RXRA: variants seen among roughly 807,000 people sequenced by gnomAD.
RXRA encodes retinoic acid receptor RXR-alpha.
Under a neutral mutation model 44.5 loss-of-function variants are expected in RXRA, and 5 were observed. That is an observed-to-expected ratio of 0.11 (90% CI 0.06 to 0.24). The LOEUF (loss-of-function observed/expected upper bound fraction) is 0.24, where lower values mean the gene tolerates loss of function less well. Ranked by LOEUF, RXRA falls within the 10% of genes least tolerant of loss-of-function variation. RXRA has a pLI of 1.00. For synonymous variants in RXRA, 291 were observed against 271.4 expected, an observed-to-expected ratio of 1.07 and a Z score of -0.71; for missense variants, 412 against 646.5, an observed-to-expected ratio of 0.64 and a Z score of 3.93.
In RXRA at chr9:134,436,771, C is replaced by A; in HGVS notation, c.*157C>A. 1 of 771,248 alleles carries A rather than the reference C, an allele frequency of 1.3e-6. No homozygotes were observed. The highest frequency in any genetic ancestry group is 2.0e-6 in the Non-Finnish European group (1 of 488,530). The allele number at this position is 771,248 out of a possible 1,614,324, so 47.8% of individuals were successfully genotyped here. On this transcript the variant is annotated 3_prime_UTR_variant, in exon 10 of 10. Coordinates refer to ENST00000481739, the MANE Select transcript of RXRA (RefSeq NM_002957.6). ...CTGCTCTGCCTAAGAGATGTGTTGT[C>A]ACCCTCCTTATTTCTGTTACTACTT... is the stretch of plus-strand genomic sequence containing the variant.
Position 134,366,594 on chromosome 9 carries a change from G to A in RXRA, c.29-35038G>A, listed in dbSNP as rs1240476826. On this transcript the variant is annotated intron_variant, in intron 1 of 9. Coordinates refer to ENST00000481739, the MANE Select transcript of RXRA (RefSeq NM_002957.6). This position sits in a 1 kb window ranked among gnomAD's most constrained non-coding sequence, Gnocchi z 5.9. Reference sequence around the variant, plus strand: ...AGCACCACAGGGCCCAGCCAGGGCTGGGGCAGGGAGGAAGGGCCCCTCCAC... The same window carrying A: ...AGCACCACAGGGCCCAGCCAGGGCTAGGGCAGGGAGGAAGGGCCCCTCCAC... Among the ~76,000 whole-genome samples the A allele has an allele frequency of 6.6e-6, 1 of 152,166 alleles. No individual in the cohort carries two copies. The highest frequency in any genetic ancestry group is 6.5e-5 in the Admixed American group (1 of 15,282).
In RXRA at chr9:134,366,371, G is replaced by A. The variant is rs1564271627; in HGVS notation, c.29-35261G>A. Among the ~76,000 whole-genome samples the A allele has an allele frequency of 6.6e-6, 1 of 152,108 alleles. No individual in the cohort carries two copies. The highest frequency in any genetic ancestry group is 2.1e-4 in the South Asian group (1 of 4,822). On this transcript the variant is annotated intron_variant, in intron 1 of 9. Coordinates refer to ENST00000481739, the MANE Select transcript of RXRA (RefSeq NM_002957.6). This position sits in a 1 kb window ranked among gnomAD's most constrained non-coding sequence, Gnocchi z 5.9. ...CTTGGCACAGGCTCCAGAATTGCAC[G>A]TGATCTCAGACGGTTCCCAGCTTCC... is the stretch of plus-strand genomic sequence containing the variant.
At chr9:134,427,187 G>A in intron 6 of RXRA, 2 of 967,656 alleles carry the variant, frequency 2.1e-6, no homozygotes, top group South Asian at 4.8e-5. Flanking sequence ...AAAAAAAAGA[G>A]GGTTCTGTGG....
chr9:134,369,794 T>C (rs1452389891), intron 1 of RXRA, among the ~76,000 whole-genome samples: 1 of 152,088 alleles, frequency 6.6e-6, no homozygotes, highest in Non-Finnish European at 1.5e-5. Context: ...GGCAGAGGTG[T>C]GGGAGGAGAG....
chr9:134,378,866 G>C (rs73554143), intron 1 of RXRA, among the ~76,000 whole-genome samples: 3,237 of 152,332 alleles, frequency 0.021, 61 homozygotes, highest in African/African-American at 0.048. Context: ...CTGGAGGGCA[G>C]GAGCCAGACC....
intron 6 of RXRA, chr9:134,425,493 C>T (rs1261205306): frequency 5.1e-5 from 50 of 972,306 alleles, no homozygotes; most frequent in East Asian, 3.6e-4. Flanking sequence ...GCTGCTCCAG[C>T]GGGGTCGTCT....
chr9:134,369,770 G>A (rs1830468130), intron 1 of RXRA, among the ~76,000 whole-genome samples: 1 of 152,090 alleles, frequency 6.6e-6, no homozygotes, highest in South Asian at 2.1e-4. Context: ...CCCTCCCACA[G>A]CCTCACATTT....
At chr9:134,333,071 G>C (rs574227899) in intron 1 of RXRA, among the ~76,000 whole-genome samples, 2 of 152,148 alleles carry the variant, frequency 1.3e-5, no homozygotes, top group Admixed American at 6.5e-5. Context: ...GGCCGTCCAG[G>C]GGGAGTAGAG....
chr9:134,418,857 C>T (rs546790283), intron 5 of RXRA, among the ~76,000 whole-genome samples: 2 of 152,334 alleles, frequency 1.3e-5, no homozygotes, highest in African/African-American at 4.8e-5. Flanking sequence ...CCACCCTGCT[C>T]GTTGGCACTC....
intron 1 of RXRA, among the ~76,000 whole-genome samples, chr9:134,375,930 G>GCCGC (rs1322288068): frequency 6.8e-6 from 1 of 147,928 alleles, no homozygotes; most frequent in African/African-American, 2.6e-5. Flanking sequence ...CAAGCTGCCG[G>GCCGC]CCGCCCTCCC....
intron 1 of RXRA, among the ~76,000 whole-genome samples, chr9:134,383,318 G>C (rs1830672880): frequency 6.6e-6 from 1 of 152,200 alleles, no homozygotes; most frequent in Non-Finnish European, 1.5e-5. Flanking sequence ...GGTGTGGCGG[G>C]CTGGGAGCCT....
chr9:134,336,904 G>A (rs1294216636), intron 1 of RXRA, among the ~76,000 whole-genome samples: 1 of 152,232 alleles, frequency 6.6e-6, no homozygotes, highest in Admixed American at 6.5e-5. Context: ...GGGAAGTCCT[G>A]TGTGTCTAGC....
chr9:134,435,361 C>A (rs3132292), intron 9 of RXRA, among the ~76,000 whole-genome samples: 94,606 of 149,338 alleles, frequency 0.63, 30,564 homozygotes, highest in East Asian at 0.76. Flanking sequence ...TGCTATCCCT[C>A]TTCCCAGAGC....
At position 134,433,703 on chromosome 9, in the gene RXRA, A is replaced by C. The variant is rs1336025161; in HGVS notation, c.1136-399A>C. Among the ~76,000 whole-genome samples the C allele has an allele frequency of 6.6e-6, 1 of 151,512 alleles. No homozygotes were observed. Among genetic ancestry groups the C allele is most frequent in the East Asian group, 1.9e-4 (1 of 5,140 alleles). ...CCTGGGGGCAGCAGCGCTATCTCCC[A>C]TCCATGTTATGGGGCTGGGACCCAA... On this transcript the variant is annotated intron_variant, in intron 8 of 9. Coordinates refer to ENST00000481739, the MANE Select transcript of RXRA (RefSeq NM_002957.6). The surrounding 1 kb of genome is among the most constrained non-coding windows in gnomAD (Gnocchi z 4.2).
At chr9:134,386,462 A>G (rs1174850513) in intron 1 of RXRA, among the ~76,000 whole-genome samples, 1 of 151,692 alleles carries the variant, frequency 6.6e-6, no homozygotes, top group Non-Finnish European at 1.5e-5. Flanking sequence ...GGAGTGTGGG[A>G]CTCATGGCAT....
chr9:134,362,485 C>T (rs1326691782), intron 1 of RXRA, among the ~76,000 whole-genome samples: 1 of 152,240 alleles, frequency 6.6e-6, no homozygotes, highest in East Asian at 1.9e-4. Context: ...CAGCTCCCGC[C>T]AGACCGTGAG....
intron 1 of RXRA, among the ~76,000 whole-genome samples, chr9:134,354,140 G>T (rs1177415361): frequency 1.3e-5 from 2 of 152,216 alleles, no homozygotes; most frequent in Admixed American, 6.5e-5. Flanking sequence ...ATGGGATGGG[G>T]TGCCTGGGTC....
rs536642609 is a variant in RXRA, at chr9:134,426,405, A to G, written c.911-2703A>G. 3 of 985,472 alleles carry G rather than the reference A, an allele frequency of 3.0e-6. No homozygotes were observed. The Admixed American group carries it at 1.8e-4, about 60-fold the overall frequency. The allele number at this position is 985,472 out of a possible 1,614,324, so 61.0% of individuals were successfully genotyped here. On this transcript the variant is annotated intron_variant, in intron 6 of 9. Coordinates refer to ENST00000481739, the MANE Select transcript of RXRA (RefSeq NM_002957.6). This position sits in a 1 kb window ranked among gnomAD's most constrained non-coding sequence, Gnocchi z 4.6. ...CATCCGAGAAGGAGGAGGGCAGCTT[A>G]CAAAGGTGTGTGGGGCAGGAGAGGA... is the stretch of plus-strand genomic sequence containing the variant.
intron 1 of RXRA, among the ~76,000 whole-genome samples, chr9:134,358,488 G>T (rs905220871): frequency 6.6e-6 from 1 of 152,198 alleles, no homozygotes; most frequent in Non-Finnish European, 1.5e-5. Flanking sequence ...GAGGTCAGTA[G>T]CTGAGCCTGT....
Sources: allele counts gnomAD v4.1 joint callset (sites outside exome capture counted in the v4.1 genomes callset), GRCh38; gene constraint gnomAD v4.1.1; non-coding constraint Gnocchi (gnomAD v3.1); transcripts MANE v1.5; gene names NCBI Gene and HGNC (gene_info 2026-07-23, HGNC 2026-07-21).